PPM1E: variants seen among roughly 807,000 people sequenced by gnomAD.
PPM1E encodes protein phosphatase 1E.
In PPM1E, 20 loss-of-function variants were observed where a neutral mutation model predicts 65.9. That is an observed-to-expected ratio of 0.30 (90% CI 0.21 to 0.44). The LOEUF (loss-of-function observed/expected upper bound fraction) is 0.44, where lower values mean the gene tolerates loss of function less well. Ranked by LOEUF, PPM1E falls within the 20% of genes least tolerant of loss-of-function variation. The probability of loss-of-function intolerance (pLI) is 1.00; values close to 1 mark genes in which losing one functional copy is unlikely to be tolerated. For missense variants in PPM1E, 713 were observed against 953.1 expected (o/e 0.75, Z 3.32); for synonymous variants, 352 against 374.9 (o/e 0.94, Z 0.70).
intron 1 of PPM1E, among the ~76,000 whole-genome samples, chr17:58,890,713 G>T (rs1163288119): frequency 6.6e-6 from 1 of 151,924 alleles, no homozygotes; most frequent in Non-Finnish European, 1.5e-5. Flanking sequence ...TTTTCTATCT[G>T]TTGTATTCTC....
intron 1 of PPM1E, among the ~76,000 whole-genome samples, chr17:58,775,640 C>T (rs1004990305): frequency 6.6e-6 from 1 of 151,920 alleles, no homozygotes; most frequent in East Asian, 1.9e-4. Flanking sequence ...TGGGGCCGGG[C>T]GCAGTGGCTC....
rs564995409 is a variant in PPM1E, at chr17:58,844,798, T to C, written c.464+88337T>C. Among the ~76,000 whole-genome samples, 176 of 152,308 alleles carry C rather than the reference T, an allele frequency of 1.2e-3. 1 individual carries two copies. The highest frequency in any genetic ancestry group is 2.4e-3 in the Non-Finnish European group (163 of 68,032). The stretch of plus-strand genomic sequence containing the variant: ...AGTAGACTTTTGCAAAAACATGATT[T>C]CTCTTGTATTTGTACCCTAATAAGA... On this transcript the variant is annotated intron_variant, in intron 1 of 6. Coordinates refer to ENST00000308249, the MANE Select transcript of PPM1E (RefSeq NM_014906.5).
chr17:58,909,684 TC>T (rs1320813284), intron 1 of PPM1E, among the ~76,000 whole-genome samples: 1 of 152,198 alleles, frequency 6.6e-6, no homozygotes, highest in Non-Finnish European at 1.5e-5. Context: ...TTCTCTTTGC[TC>T]CTCTGTAAGT....
At chr17:58,879,948 A>T (rs902478823) in intron 1 of PPM1E, among the ~76,000 whole-genome samples, 2 of 152,158 alleles carry the variant, frequency 1.3e-5, no homozygotes, top group African/African-American at 2.4e-5. Flanking sequence ...TTGACATAAG[A>T]CATTAACAGG....
chr17:58,889,239 T>G (rs913346718), intron 1 of PPM1E, among the ~76,000 whole-genome samples: 1 of 152,178 alleles, frequency 6.6e-6, no homozygotes, highest in Admixed American at 6.5e-5. Context: ...CATACAGTAT[T>G]TGTTCATTGG....
At chr17:58,909,887 T>TTTTCTTTC (rs753479819) in intron 1 of PPM1E, among the ~76,000 whole-genome samples, 6 of 150,530 alleles carry the variant, frequency 4.0e-5, no homozygotes, top group African/African-American at 1.2e-4. Context: ...TCTTAGTCAT[T>TTTTCTTTC]TTTCTTTCTT....
chr17:58,962,816 A>G (rs1238342435), intron 2 of PPM1E, among the ~76,000 whole-genome samples: 1 of 152,174 alleles, frequency 6.6e-6, no homozygotes, highest in African/African-American at 2.4e-5. Flanking sequence ...ATGGCAGCTC[A>G]TGCCTGTAAT....
chr17:58,946,779 G>A (rs1419529688), intron 1 of PPM1E, among the ~76,000 whole-genome samples: 1 of 152,134 alleles, frequency 6.6e-6, no homozygotes, highest in Admixed American at 6.6e-5. Flanking sequence ...TCTATGGGTT[G>A]TCTTTTCACT....
intron 1 of PPM1E, among the ~76,000 whole-genome samples, chr17:58,903,325 A>G (rs1367738730): frequency 6.6e-6 from 1 of 152,190 alleles, no homozygotes; most frequent in East Asian, 1.9e-4. Flanking sequence ...AGGAAGTAGG[A>G]TTCAGGTCAC....
At chr17:58,856,005 C>T (rs1235652240) in intron 1 of PPM1E, among the ~76,000 whole-genome samples, 3 of 152,018 alleles carry the variant, frequency 2.0e-5, no homozygotes, top group Non-Finnish European at 4.4e-5. Flanking sequence ...AACAAATAGC[C>T]AAAATAAGTT....
chr17:58,976,003 G>A (rs965247635), intron 6 of PPM1E, among the ~76,000 whole-genome samples: 3 of 152,142 alleles, frequency 2.0e-5, no homozygotes, highest in African/African-American at 7.2e-5. Flanking sequence ...TGTAGATTTA[G>A]TTTCTTGGGC....
intron 1 of PPM1E, among the ~76,000 whole-genome samples, chr17:58,843,374 T>A (rs947439801): frequency 6.6e-6 from 1 of 150,588 alleles, no homozygotes; most frequent in Non-Finnish European, 1.5e-5. Context: ...AAAAACTAGC[T>A]GGGCGTGGTG....
At chr17:58,874,604 C>T (rs1436509961) in intron 1 of PPM1E, among the ~76,000 whole-genome samples, 2 of 152,070 alleles carry the variant, frequency 1.3e-5, no homozygotes, top group Non-Finnish European at 2.9e-5. Context: ...GATTCTGGAC[C>T]TCAAAGATAT....
chr17:58,917,619 AT>A (rs2051699269), intron 1 of PPM1E, among the ~76,000 whole-genome samples: 1 of 152,206 alleles, frequency 6.6e-6, no homozygotes, highest in Non-Finnish European at 1.5e-5. Context: ...AACCAATTTT[AT>A]GGTGAATTCA....
chr17:58,901,836 C>T (rs969152281), intron 1 of PPM1E, among the ~76,000 whole-genome samples: 4 of 151,670 alleles, frequency 2.6e-5, no homozygotes, highest in African/African-American at 4.8e-5. Context: ...ATTAGCCAGG[C>T]GTAGTGGTAC....
intron 1 of PPM1E, among the ~76,000 whole-genome samples, chr17:58,813,189 A>C (rs941382046): frequency 1.3e-5 from 2 of 152,154 alleles, no homozygotes; most frequent in Non-Finnish European, 2.9e-5. Flanking sequence ...TTCTACTTTT[A>C]TGTATCTCTA....
At chr17:58,973,868 C>G (rs945619134) in intron 6 of PPM1E, among the ~76,000 whole-genome samples, 31 of 146,616 alleles carry the variant, frequency 2.1e-4, no homozygotes, top group African/African-American at 5.0e-5. Context: ...AGGAGAATCA[C>G]TTGAATCTGG....
intron 1 of PPM1E, among the ~76,000 whole-genome samples, chr17:58,940,870 G>A (rs375781296): frequency 1.3e-5 from 2 of 152,030 alleles, no homozygotes; most frequent in African/African-American, 2.4e-5. Flanking sequence ...GCCACCATGC[G>A]TGGCTAATTT....
intron 1 of PPM1E, among the ~76,000 whole-genome samples, chr17:58,880,955 C>G (rs564469385): frequency 1.3e-5 from 2 of 152,146 alleles, no homozygotes; most frequent in African/African-American, 4.8e-5. Context: ...ATGCAATATT[C>G]ATTTCCTGTA....
Sources: gnomAD v4.1 joint callset for allele counts (sites outside exome capture counted in the v4.1 genomes callset) on GRCh38, gnomAD v4.1.1 for gene constraint, MANE v1.5 for transcripts, NCBI Gene and HGNC (gene_info 2026-07-23, HGNC 2026-07-21) for gene names.